ABCF1: variants seen among roughly 807,000 people sequenced by gnomAD.
ABCF1 encodes the protein ATP binding cassette subfamily F member 1, also known as ATP-binding cassette sub-family F member 1.
A neutral mutation model predicts 126.3 loss-of-function variants in ABCF1; 73 were observed. The ratio of observed to expected loss-of-function variants is 0.58; its 90% CI spans 0.48 to 0.70. The LOEUF is 0.70. Among genes scored for constraint, ABCF1 ranks in the 30% least tolerant of loss-of-function variants. ABCF1 has a pLI of 0.00. For missense variants in ABCF1, 786 were observed against 1,057.5 expected (o/e 0.74, Z 3.56); for synonymous variants, 345 against 396.4 (o/e 0.87, Z 1.54).
intron 7 of ABCF1, 121 bp downstream of exon 7, chr6:30,580,126 C>T: frequency 1.1e-6 from 1 of 946,528 alleles, no homozygotes; most frequent in Non-Finnish European, 1.6e-6. Context: ...GTGGGCGGAT[C>T]ACGAGGTCAG....
chr6:30,580,008 G>A lies in ABCF1; in HGVS notation c.564+3G>A, dbSNP rs1055420774. On this transcript the variant is annotated splice_donor_region_variant and intron_variant, in intron 7 of 24. Transcript: ENST00000326195. ...AGAAGTCAAAAGGGAAGGCTAAGGT[G>A]AGAGAGTAACTAGCAGGAGGAGGTA... The A allele has an allele frequency of 6.2e-7, 1 of 1,612,236 alleles. No homozygotes were observed. The highest frequency in any genetic ancestry group is 1.3e-5 in the African/African-American group (1 of 74,892).
At chr6:30,580,304 G>A (rs1042988604) in intron 7 of ABCF1, 102 bp from the exon 8 acceptor site, 24 of 868,144 alleles carry the variant, frequency 2.8e-5, no homozygotes, top group Admixed American at 7.7e-5. Flanking sequence ...CCGAGATTGC[G>A]CCACTGCACT....
chr6:30,584,935 G>A lies in ABCF1; in HGVS notation c.1392-325G>A, dbSNP rs1802031186. ...AGCCTGGGCAACATAGGGAGACCCT[G>A]TCTCTACAAAAAATTTAAAGATCAG... On this transcript the variant is annotated intron_variant, in intron 14 of 24. Transcript: ENST00000326195. The surrounding 1 kb of genome is among the most constrained non-coding windows in gnomAD (Gnocchi z 4.6). 1.3e-5 allele frequency among the ~76,000 whole-genome samples: 2 copies of A among 152,116 alleles called. No homozygotes were observed. Among genetic ancestry groups the A allele is most frequent in the African/African-American group, 4.8e-5 (2 of 41,430 alleles).
In ABCF1 at chr6:30,574,552, CCTT is replaced by C; in HGVS notation, c.74-2853_74-2851del. Among the ~76,000 whole-genome samples the C allele has an allele frequency of 6.6e-6, 1 of 152,264 alleles. No homozygotes were observed. The highest frequency in any genetic ancestry group is 3.4e-3 in the Middle Eastern group (1 of 294). On this transcript the variant is annotated intron_variant, in intron 1 of 24. Coordinates refer to ENST00000326195, the MANE Select transcript of ABCF1 (RefSeq NM_001025091.2). This position sits in a 1 kb window ranked among gnomAD's most constrained non-coding sequence, Gnocchi z 4.3. ...GATAAGGTGAGCTGATCAGGTTTTT[CCTT>C]CTTAGGTACTTCAGTAGATCCTTCC...
chr6:30,579,454 T>A (rs1189371278), intron 6 of ABCF1, among the ~76,000 whole-genome samples: 1 of 118,610 alleles, frequency 8.4e-6, no homozygotes, highest in Admixed American at 8.1e-5. Flanking sequence ...AAGTTGGAAC[T>A]ATTTTTTTTT....
At position 30,583,128 on chromosome 6, in the gene ABCF1, C is replaced by T. The variant is rs369569740; in HGVS notation, c.855C>T (p.Ser285=). Residue 285 remains serine, a synonymous_variant, in exon 10 of 25, where the codon TCC becomes TCT. Transcript: ENST00000326195. The surrounding 1 kb of genome is among the most constrained non-coding windows in gnomAD (Gnocchi z 4.1). ...CCAATGCAGCTGAAAATGACTTCTCCGTGTCCCAGGCGGAGATGTCCTCCC... is the reference window on the plus strand; with the variant it reads ...CCAATGCAGCTGAAAATGACTTCTCTGTGTCCCAGGCGGAGATGTCCTCCC... ...KAANAAENDF[S]VSQAEMSSRQ... is the part of the protein sequence containing the mutation. 54 of 1,611,604 alleles carry T rather than the reference C, an allele frequency of 3.4e-5. No individual in the cohort carries two copies. In the African/African-American group the frequency reaches 3.7e-4, roughly 11 times the overall value.
rs1216284485 is a variant in ABCF1, at chr6:30,582,466, G to T, written c.751G>T (p.Ala251Ser). ...GGESKADDPY[A>S]HLSKKEKKKL... Reference sequence around the variant, plus strand: ...AGAGTCTAAGGCAGATGATCCCTATGCTCATCTTAGCAAAAAGGAGAAGAA... The same window carrying T: ...AGAGTCTAAGGCAGATGATCCCTATTCTCATCTTAGCAAAAAGGAGAAGAA... The change falls in exon 9 of 25, where the codon GCT becomes TCT. Residue 251 changes from alanine (A) to serine (S), a missense_variant. Physicochemically the swap from Ala to Ser is moderately conservative, Grantham distance 99. Coordinates refer to ENST00000326195, the MANE Select transcript of ABCF1 (RefSeq NM_001025091.2). 3.1e-6 allele frequency: 5 copies of T among 1,612,884 alleles called. No individual in the cohort carries two copies. In the Admixed American group the frequency reaches 8.3e-5, roughly 27 times the overall value.
chr6:30,584,533 CAG>C lies in ABCF1; in HGVS notation c.1359_1360del (p.Gly455LeufsTer22), dbSNP rs755693723. On this transcript the variant is annotated frameshift_variant, in exon 14 of 25. Transcript: ENST00000326195. LOFTEE classifies it high-confidence loss of function. This position sits in a 1 kb window ranked among gnomAD's most constrained non-coding sequence, Gnocchi z 4.6. ...CAGAATCGACCCACACAGAAGTTCT[CAG>C]GGGGCTGGCGCATGCGTGTCTCCCT... 9.9e-6 allele frequency: 16 copies of C among 1,611,074 alleles called. No homozygotes were observed. The highest frequency in any genetic ancestry group is 4.0e-5 in the African/African-American group (3 of 74,914).
At position 30,586,781 on chromosome 6, in the gene ABCF1, A is replaced by G; in HGVS notation, c.2031+70A>G. ...CACAGCTGCTTTTGCCAGAAGCTGG[A>G]ATCAGGGAGCCTCTCGAGAATGTAG... On this transcript the variant is annotated intron_variant, in intron 20 of 24. Coordinates refer to ENST00000326195, the MANE Select transcript of ABCF1 (RefSeq NM_001025091.2). This position sits in a 1 kb window ranked among gnomAD's most constrained non-coding sequence, Gnocchi z 4.9. The G allele has an allele frequency of 1.3e-6, 2 of 1,523,522 alleles. No homozygotes were observed. The highest frequency in any genetic ancestry group is 1.1e-5 in the South Asian group (1 of 88,628). 94.4% of individuals were successfully genotyped at this position (1,523,522 alleles called of 1,614,324 possible).
rs1344792144 is a variant in ABCF1, at chr6:30,578,070, C to T, written c.217-6C>T. The T allele has an allele frequency of 6.2e-7, 1 of 1,612,722 alleles. No homozygotes were observed. Among genetic ancestry groups the T allele is most frequent in the African/African-American group, 1.3e-5 (1 of 74,554 alleles). On this transcript the variant is annotated splice_polypyrimidine_tract_variant and splice_region_variant and intron_variant, in intron 3 of 24. Coordinates refer to ENST00000326195, the MANE Select transcript of ABCF1 (RefSeq NM_001025091.2). ...CATTTTCTCACTGTTCTTTTGCTCTCAGCAGCAAAAAAAAAAGCGAGATAC... is the reference window on the plus strand; with the variant it reads ...CATTTTCTCACTGTTCTTTTGCTCTTAGCAGCAAAAAAAAAAGCGAGATAC...
At chr6:30,572,237 C>T (rs924958565) in intron 1 of ABCF1, among the ~76,000 whole-genome samples, 1 of 152,166 alleles carries the variant, frequency 6.6e-6, no homozygotes, top group Non-Finnish European at 1.5e-5. Flanking sequence ...CCAGTAGGTA[C>T]ACAGTAACTA....
chr6:30,579,011 A>C (rs1370134713), intron 6 of ABCF1, among the ~76,000 whole-genome samples: 1 of 151,952 alleles, frequency 6.6e-6, no homozygotes. Flanking sequence ...AAAAAAAAAC[A>C]ACAAAAAAAA....
Position 30,577,799 on chromosome 6 carries a change from A to G in ABCF1, c.121-19A>G, listed in dbSNP as rs774432952. Reference sequence around the variant, plus strand: ...TGCTCTTGGAAACATGTTTACCTGTAGCTTAACTCCCTTTATAGTTCTTTG... The same window carrying G: ...TGCTCTTGGAAACATGTTTACCTGTGGCTTAACTCCCTTTATAGTTCTTTG... On this transcript the variant is annotated intron_variant, in intron 2 of 24. Transcript: ENST00000326195. 12 of 1,612,246 alleles carry G rather than the reference A, an allele frequency of 7.4e-6. No individual in the cohort carries two copies. The African/African-American group carries it at 1.3e-4, about 18-fold the overall frequency.
chr6:30,588,953 C>T (rs903827467), intron 20 of ABCF1, among the ~76,000 whole-genome samples: 7 of 151,994 alleles, frequency 4.6e-5, no homozygotes, highest in African/African-American at 1.7e-4. Context: ...CCCTTTTGTC[C>T]CTTAACTCTT....
At chr6:30,575,821 A>G (rs1027537663) in intron 1 of ABCF1, among the ~76,000 whole-genome samples, 1 of 152,072 alleles carries the variant, frequency 6.6e-6, no homozygotes, top group African/African-American at 2.4e-5. Context: ...TATAATTCCA[A>G]CAGTTTGGGA....
At chr6:30,585,747 G>A in intron 16 of ABCF1, 65 bp downstream of exon 16, 1 of 1,596,146 alleles carries the variant, frequency 6.3e-7, no homozygotes, top group Non-Finnish European at 8.6e-7. Context: ...TGAGTGGGAG[G>A]GCCTATTTAG....
chr6:30,577,798 T>C lies in ABCF1; in HGVS notation c.121-20T>C. On this transcript the variant is annotated intron_variant, in intron 2 of 24. Coordinates refer to ENST00000326195, the MANE Select transcript of ABCF1 (RefSeq NM_001025091.2). ...TTGCTCTTGGAAACATGTTTACCTGTAGCTTAACTCCCTTTATAGTTCTTT... is the reference window on the plus strand; with the variant it reads ...TTGCTCTTGGAAACATGTTTACCTGCAGCTTAACTCCCTTTATAGTTCTTT... 6.2e-7 allele frequency: 1 copy of C among 1,612,294 alleles called. No individual in the cohort carries two copies. The highest frequency in any genetic ancestry group is 1.7e-4 in the Middle Eastern group (1 of 6,060).
intron 20 of ABCF1, among the ~76,000 whole-genome samples, chr6:30,587,146 A>G (rs915825616): frequency 6.6e-6 from 1 of 152,044 alleles, no homozygotes; most frequent in Non-Finnish European, 1.5e-5. Flanking sequence ...CTAGCTACTC[A>G]GGAGGCTGAG....
rs1801866472 is a variant in ABCF1, at chr6:30,582,377, T to C, written c.679-17T>C. On this transcript the variant is annotated splice_polypyrimidine_tract_variant and intron_variant, in intron 8 of 24. Transcript: ENST00000326195. ...AGCCAGGAGTCCCTAGTTTTGACCA[T>C]CCCCGGGTTCTCACAGGGTTCAGAG... 3 of 1,548,214 alleles carry C rather than the reference T, an allele frequency of 1.9e-6. No homozygotes were observed. The highest frequency in any genetic ancestry group is 2.7e-6 in the Non-Finnish European group (3 of 1,126,966).
Sources: gnomAD v4.1 joint callset for allele counts (sites outside exome capture counted in the v4.1 genomes callset) on GRCh38, gnomAD v4.1.1 for gene constraint, Gnocchi (gnomAD v3.1) non-coding constraint, MANE v1.5 for transcripts, NCBI Gene and HGNC (gene_info 2026-07-23, HGNC 2026-07-21) for gene names.